EXOC6B: variants seen among roughly 807,000 people sequenced by gnomAD.
EXOC6B encodes SEC15 homolog B.
Under a neutral mutation model 113.5 loss-of-function variants are expected in EXOC6B, and 54 were observed. That is an observed-to-expected ratio of 0.48 (90% CI 0.38 to 0.60). EXOC6B has a LOEUF of 0.60. EXOC6B is among the 20% of genes least tolerant of loss of function. The pLI is 0.00. For missense variants in EXOC6B, 797 were observed against 977.5 expected, an observed-to-expected ratio of 0.82 and a Z score of 2.46; for synonymous variants, 357 against 339.0, an observed-to-expected ratio of 1.05 and a Z score of -0.58.
intron 20 of EXOC6B, among the ~76,000 whole-genome samples, chr2:72,239,189 C>T (rs902478303): frequency 2.6e-5 from 4 of 152,274 alleles, no homozygotes; most frequent in Non-Finnish European, 5.9e-5. Flanking sequence ...CTGTGCGTGG[C>T]GTGTTTTTAA....
At chr2:72,822,840 T>A (rs1573854974) in intron 1 of EXOC6B, among the ~76,000 whole-genome samples, 1 of 152,020 alleles carries the variant, frequency 6.6e-6, no homozygotes, top group Non-Finnish European at 1.5e-5. Flanking sequence ...AGAAGAAAAG[T>A]TCGAGGTTTA....
chr2:72,693,502 T>G (rs767490383), intron 6 of EXOC6B, among the ~76,000 whole-genome samples: 3 of 152,196 alleles, frequency 2.0e-5, no homozygotes, highest in Admixed American at 6.5e-5. Context: ...CCTCTCCACC[T>G]CAAGTATAAT....
At chr2:72,196,004 G>A (rs1427183433) in intron 20 of EXOC6B, among the ~76,000 whole-genome samples, 2 of 151,970 alleles carry the variant, frequency 1.3e-5, no homozygotes, top group African/African-American at 4.8e-5. Flanking sequence ...GTTATATGTG[G>A]GAATAACCTT....
intron 8 of EXOC6B, among the ~76,000 whole-genome samples, chr2:72,523,642 G>T (rs376892139): frequency 1.9e-4 from 29 of 152,140 alleles, no homozygotes; most frequent in African/African-American, 6.0e-4. Context: ...TCAGCCGGGC[G>T]TGGTGGCAGG....
chr2:72,385,074 C>G (rs975869914), intron 18 of EXOC6B, among the ~76,000 whole-genome samples: 1 of 152,000 alleles, frequency 6.6e-6, no homozygotes, highest in Non-Finnish European at 1.5e-5. Flanking sequence ...ACAGAAATAA[C>G]AAAGATGGAG....
intron 6 of EXOC6B, among the ~76,000 whole-genome samples, chr2:72,656,845 C>CTTATT (rs560007043): frequency 1.1e-4 from 16 of 151,970 alleles, no homozygotes; most frequent in East Asian, 1.9e-4. Context: ...TATAACTTCA[C>CTTATT]TTATTTTATT....
chr2:72,309,407 C>A (rs539289579), intron 20 of EXOC6B, among the ~76,000 whole-genome samples: 3 of 152,086 alleles, frequency 2.0e-5, no homozygotes, highest in Non-Finnish European at 2.9e-5. Flanking sequence ...TTAGGCTGAA[C>A]CTCGTTTACT....
chr2:72,578,277 G>T (rs7565198), intron 6 of EXOC6B, among the ~76,000 whole-genome samples: 2 of 151,918 alleles, frequency 1.3e-5, no homozygotes, highest in Admixed American at 1.3e-4. Flanking sequence ...AATTGGGCAG[G>T]TGGGGAGAGG....
intron 1 of EXOC6B, among the ~76,000 whole-genome samples, chr2:72,756,873 A>G (rs116543276): frequency 0.016 from 2,450 of 152,268 alleles, 83 homozygotes; most frequent in African/African-American, 0.057. Context: ...GAGGAGAGTA[A>G]GAAGGAAGGT....
intron 18 of EXOC6B, among the ~76,000 whole-genome samples, chr2:72,397,979 G>C (rs540251148): frequency 8.1e-4 from 123 of 152,206 alleles, no homozygotes; most frequent in African/African-American, 2.9e-3. Flanking sequence ...CAAAGGAAAG[G>C]GTATAGCATT....
chr2:72,286,073 C>T (rs971420687), intron 20 of EXOC6B, among the ~76,000 whole-genome samples: 15 of 152,254 alleles, frequency 9.9e-5, no homozygotes, highest in East Asian at 1.9e-4. Context: ...CTTTGGAAGA[C>T]AAATAGTTTG....
rs78940776 is a variant in EXOC6B, at chr2:72,638,513, C to T, written c.670-62845G>A. On this transcript the variant is annotated intron_variant, in intron 6 of 21. Transcript: ENST00000272427. Reference sequence around the variant, plus strand: ...CAGAGGGAAAGACACAGAAGCTAGGCTGGAGGGACAGAAAGCTGGGAACCC... The same window carrying T: ...CAGAGGGAAAGACACAGAAGCTAGGTTGGAGGGACAGAAAGCTGGGAACCC... Among the ~76,000 whole-genome samples, 29 of 152,188 alleles carry T rather than the reference C, an allele frequency of 1.9e-4. 1 individual carries two copies. In the East Asian group the frequency reaches 5.6e-3, roughly 29 times the overall value.
At chr2:72,382,284 C>G (rs1470746521) in intron 18 of EXOC6B, among the ~76,000 whole-genome samples, 1 of 152,164 alleles carries the variant, frequency 6.6e-6, no homozygotes, top group African/African-American at 2.4e-5. Flanking sequence ...CAGCACAATA[C>G]TGAACATTAT....
chr2:72,226,391 T>C (rs909049491), intron 20 of EXOC6B, among the ~76,000 whole-genome samples: 1 of 152,160 alleles, frequency 6.6e-6, no homozygotes, highest in Non-Finnish European at 1.5e-5. Context: ...TTAAATACTG[T>C]CTTTGCAACT....
At chr2:72,218,707 C>G (rs1680684532) in intron 20 of EXOC6B, among the ~76,000 whole-genome samples, 1 of 152,032 alleles carries the variant, frequency 6.6e-6, no homozygotes. Context: ...GTTCTGTCAC[C>G]AGGCTGGAGT....
intron 20 of EXOC6B, among the ~76,000 whole-genome samples, chr2:72,189,109 C>T (rs1678640565): frequency 6.6e-6 from 1 of 152,066 alleles, no homozygotes; most frequent in Non-Finnish European, 1.5e-5. Flanking sequence ...TAAGTTGACC[C>T]AGTAATGTCC....
At chr2:72,707,055 C>T (rs11679683) in intron 6 of EXOC6B, among the ~76,000 whole-genome samples, 93,312 of 152,082 alleles carry the variant, frequency 0.61, 34,878 homozygotes, top group East Asian at 0.99. Context: ...AGCCTAAGCC[C>T]GTCTCAGCCT....
chr2:72,518,583 G>C (rs977052265), intron 8 of EXOC6B, among the ~76,000 whole-genome samples: 1 of 151,358 alleles, frequency 6.6e-6, no homozygotes, highest in African/African-American at 2.4e-5. Flanking sequence ...TCTAATTGAC[G>C]AATGAGTCAG....
At chr2:72,509,138 G>A (rs2105646633) in intron 11 of EXOC6B, among the ~76,000 whole-genome samples, 1 of 152,276 alleles carries the variant, frequency 6.6e-6, no homozygotes, top group Middle Eastern at 3.4e-3. Context: ...GAGAAGGAGA[G>A]AGCAATCCTT....
Sources: allele counts gnomAD v4.1 joint callset (sites outside exome capture counted in the v4.1 genomes callset), GRCh38; gene constraint gnomAD v4.1.1; transcripts MANE v1.5; gene names NCBI Gene and HGNC (gene_info 2026-07-23, HGNC 2026-07-21).